Variants in CNTNAP2 observed in about 807,000 individuals in gnomAD.
CNTNAP2 encodes the protein contactin associated protein 2.
Under a neutral mutation model 155.2 loss-of-function variants are expected in CNTNAP2, and 98 were observed. The observed-to-expected ratio is 0.63, with a 90% CI of 0.54 to 0.75. CNTNAP2 has a LOEUF of 0.75. Ranked by LOEUF, CNTNAP2 falls within the 30% of genes least tolerant of loss-of-function variation. CNTNAP2 has a pLI of 0.00. For missense variants in CNTNAP2, 1,727 were observed against 1,688.1 expected (o/e 1.02, Z -0.40); for synonymous variants, 651 against 631.2 (o/e 1.03, Z -0.47).
intron 5 of CNTNAP2, among the ~76,000 whole-genome samples, chr7:147,120,429 T>C (rs531885265): frequency 6.6e-6 from 1 of 152,218 alleles, no homozygotes; most frequent in African/African-American, 2.4e-5. Context: ...CCCAGAAGGC[T>C]TCTGTAAAAG....
intron 3 of CNTNAP2, among the ~76,000 whole-genome samples, chr7:147,022,144 T>C (rs1798828623): frequency 6.6e-6 from 1 of 152,146 alleles, no homozygotes; most frequent in Non-Finnish European, 1.5e-5. Context: ...TTACAAACAG[T>C]ATCTCATAGA....
intron 15 of CNTNAP2, among the ~76,000 whole-genome samples, chr7:148,031,656 G>A (rs1469724575): frequency 2.6e-5 from 4 of 152,078 alleles, no homozygotes; most frequent in Admixed American, 2.0e-4. Flanking sequence ...AGAAATGTTC[G>A]GCCCAGGGTC....
chr7:146,895,048 G>A (rs1795847134), intron 3 of CNTNAP2, among the ~76,000 whole-genome samples: 1 of 152,098 alleles, frequency 6.6e-6, no homozygotes, highest in Admixed American at 6.6e-5. Context: ...TACAGGGACA[G>A]TTTTTCCTTC....
intron 13 of CNTNAP2, among the ~76,000 whole-genome samples, chr7:147,855,949 A>G (rs1474176106): frequency 6.6e-6 from 1 of 152,114 alleles, no homozygotes; most frequent in Admixed American, 6.5e-5. Context: ...TGAAGGACCC[A>G]CAGAAGTGAA....
chr7:147,176,853 T>G (rs1280653377), intron 8 of CNTNAP2, among the ~76,000 whole-genome samples: 1 of 117,782 alleles, frequency 8.5e-6, no homozygotes, highest in Non-Finnish European at 1.6e-5. Context: ...TTATAATATA[T>G]AATAGATATT....
At chr7:146,970,247 A>G (rs898151351) in intron 3 of CNTNAP2, among the ~76,000 whole-genome samples, 149 of 152,310 alleles carry the variant, frequency 9.8e-4, no homozygotes, top group Non-Finnish European at 1.9e-3. Context: ...GCACAGCAAA[A>G]GAAACTACCA....
intron 1 of CNTNAP2, among the ~76,000 whole-genome samples, chr7:146,673,330 CATAAT>C (rs1446999067): frequency 3.3e-5 from 5 of 152,238 alleles, no homozygotes; most frequent in East Asian, 1.9e-4. Flanking sequence ...AAAGTTCACT[CATAAT>C]ATGTCATACA....
chr7:147,711,064 A>G (rs966468812), intron 13 of CNTNAP2, among the ~76,000 whole-genome samples: 5 of 152,154 alleles, frequency 3.3e-5, no homozygotes, highest in Non-Finnish European at 7.3e-5. Flanking sequence ...TAATTAAGAG[A>G]TTTCCGGAAG....
intron 13 of CNTNAP2, among the ~76,000 whole-genome samples, chr7:147,743,333 G>A (rs1021707657): frequency 6.6e-6 from 1 of 152,172 alleles, no homozygotes; most frequent in African/African-American, 2.4e-5. Context: ...GTGGAATTAA[G>A]ATCCCTAAGT....
intron 3 of CNTNAP2, among the ~76,000 whole-genome samples, chr7:146,915,609 T>G (rs1796377060): frequency 6.6e-6 from 1 of 152,098 alleles, no homozygotes; most frequent in Non-Finnish European, 1.5e-5. Context: ...GTTGAGTTCT[T>G]GATTTGATTC....
At chr7:147,472,222 T>TTTTTTTTTTTTTTTC (rs1299246546) in intron 10 of CNTNAP2, among the ~76,000 whole-genome samples, 4 of 142,206 alleles carry the variant, frequency 2.8e-5, no homozygotes, top group African/African-American at 1.1e-4. Context: ...TTTTTTTTTT[T>TTTTTTTTTTTTTTTC]TTTTTTTTGA....
chr7:148,331,769 GGATGGAATGGACA>G lies in CNTNAP2; in HGVS notation c.3476-51873_3476-51861del, dbSNP rs1563046162. The stretch of plus-strand genomic sequence containing the variant: ...GATGGAACGGACGGATGGATTGGAT[GGATGGAATGGACA>G]GATGGAGTGGATGGATAGAATGGCC... On this transcript the variant is annotated intron_variant, in intron 21 of 23. Transcript: ENST00000361727. Among the ~76,000 whole-genome samples, 17 of 89,150 alleles carry G rather than the reference GGATGGAATGGACA, an allele frequency of 1.9e-4. 3 individuals carry two copies. The highest frequency in any genetic ancestry group is 3.5e-4 in the Admixed American group (3 of 8,486). 58.5% of individuals were successfully genotyped at this position (89,150 alleles called of 152,430 possible). A position where few individuals can be genotyped will look rare whatever the true frequency, so the allele number is the denominator to read the frequency against.
chr7:148,143,495 A>G (rs1295188993), intron 16 of CNTNAP2, among the ~76,000 whole-genome samples: 1 of 152,144 alleles, frequency 6.6e-6, no homozygotes, highest in Non-Finnish European at 1.5e-5. Flanking sequence ...CCTGGGCAAC[A>G]TGGCAAAACC....
intron 3 of CNTNAP2, among the ~76,000 whole-genome samples, chr7:146,840,644 G>C (rs1004613415): frequency 6.6e-6 from 1 of 152,018 alleles, no homozygotes; most frequent in Non-Finnish European, 1.5e-5. Context: ...AAAGGGAAGG[G>C]GGAAAAGAAG....
intron 8 of CNTNAP2, among the ~76,000 whole-genome samples, chr7:147,217,307 A>T (rs1029440440): frequency 2.0e-5 from 3 of 151,862 alleles, no homozygotes; most frequent in African/African-American, 7.2e-5. Flanking sequence ...ATTCTTTTTC[A>T]TGTTGAGGAA....
At chr7:148,035,498 G>C (rs1451801898) in intron 15 of CNTNAP2, among the ~76,000 whole-genome samples, 6 of 152,182 alleles carry the variant, frequency 3.9e-5, no homozygotes, top group African/African-American at 1.2e-4. Context: ...GGTGCAGCTG[G>C]TGCTGGTGCT....
intron 21 of CNTNAP2, among the ~76,000 whole-genome samples, chr7:148,371,976 G>A (rs182840849): frequency 1.5e-3 from 226 of 152,134 alleles, no homozygotes; most frequent in African/African-American, 5.1e-3. Flanking sequence ...CGAGGCAGGC[G>A]GATCACAAGG....
At chr7:147,772,514 T>G (rs1563083355) in intron 13 of CNTNAP2, among the ~76,000 whole-genome samples, 1 of 126,280 alleles carries the variant, frequency 7.9e-6, no homozygotes, top group African/African-American at 3.0e-5. Flanking sequence ...ACAAAAGAGG[T>G]GATTTTTTTC....
rs549270276 is a variant in CNTNAP2, at chr7:147,609,709, C to T, written c.1898-29397C>T. Among the ~76,000 whole-genome samples the T allele has an allele frequency of 6.6e-5, 10 of 151,728 alleles. No individual in the cohort carries two copies. The South Asian group carries it at 8.3e-4, about 13-fold the overall frequency. On this transcript the variant is annotated intron_variant, in intron 12 of 23. Transcript: ENST00000361727. Reference sequence around the variant, plus strand: ...TCTGAGGGTTTGATGAGTGAGTGTACGAAATAATCTGAAGGGAGGCAGATG... The same window carrying T: ...TCTGAGGGTTTGATGAGTGAGTGTATGAAATAATCTGAAGGGAGGCAGATG...
Sources: gnomAD v4.1 joint callset for allele counts (sites outside exome capture counted in the v4.1 genomes callset) on GRCh38, gnomAD v4.1.1 for gene constraint, MANE v1.5 for transcripts, NCBI Gene and HGNC (gene_info 2026-07-23, HGNC 2026-07-21) for gene names.